The following CACNA1H variants were observed in gnomAD, a reference collection of about 807,000 sequenced individuals.
CACNA1H encodes the protein voltage-dependent T-type calcium channel subunit alpha-1H.
In CACNA1H, 149 loss-of-function variants were observed where a neutral mutation model predicts 192.5. The observed-to-expected ratio is 0.77, with a 90% CI of 0.68 to 0.89. The LOEUF (loss-of-function observed/expected upper bound fraction) is 0.89, where lower values mean the gene tolerates loss of function less well. Ranked by LOEUF, CACNA1H falls within the 40% of genes least tolerant of loss-of-function variation. The probability of loss-of-function intolerance (pLI) is 0.00; values close to 1 mark genes in which losing one functional copy is unlikely to be tolerated. For synonymous variants in CACNA1H, 2,202 were observed against 1,475.2 expected, an observed-to-expected ratio of 1.49 and a Z score of -11.29; for missense variants, 4,257 against 3,423.5, an observed-to-expected ratio of 1.24 and a Z score of -6.08.
At chr16:1,184,592 G>A (rs1008247881) in intron 2 of CACNA1H, among the ~76,000 whole-genome samples, 4 of 152,276 alleles carry the variant, frequency 2.6e-5, no homozygotes, top group Non-Finnish European at 5.9e-5. Flanking sequence ...AGGCCCCCTG[G>A]TGGAAGGCAG....
Position 1,195,050 on chromosome 16 carries a change from T to A in CACNA1H, c.378T>A (p.Val126=). The A allele has an allele frequency of 6.2e-7, 1 of 1,609,432 alleles. No individual in the cohort carries two copies. Among genetic ancestry groups the A allele is most frequent in the Non-Finnish European group, 8.5e-7 (1 of 1,178,232 alleles). The change falls in exon 3 of 35, where the codon GTT becomes GTA. Residue 126 remains valine, a synonymous_variant. Coordinates refer to ENST00000348261, the MANE Select transcript of CACNA1H (RefSeq NM_021098.3). The part of the protein sequence containing the change: ...TLGMFRPCED[V]ECGSERCNIL... Reference sequence around the variant, plus strand: ...GCATGTTCCGGCCCTGTGAGGACGTTGAGTGCGGCTCCGAGCGCTGCAACA... The same window carrying A: ...GCATGTTCCGGCCCTGTGAGGACGTAGAGTGCGGCTCCGAGCGCTGCAACA...
At position 1,180,866 on chromosome 16, in the gene CACNA1H, G is replaced by A. The variant is rs528704257; in HGVS notation, c.300-14106G>A. On this transcript the variant is annotated intron_variant, in intron 2 of 34. Coordinates refer to ENST00000348261, the MANE Select transcript of CACNA1H (RefSeq NM_021098.3). The surrounding 1 kb of genome is among the most constrained non-coding windows in gnomAD (Gnocchi z 4.4). ...CCCCGGGCCAGCACCCGACCTGGCC[G>A]CCAGCGTGCTGAGGACAGACCTGCT... 1.3e-5 allele frequency among the ~76,000 whole-genome samples: 2 copies of A among 152,314 alleles called. No individual in the cohort carries two copies. Among genetic ancestry groups the A allele is most frequent in the East Asian group, 3.9e-4 (2 of 5,172 alleles).
intron 2 of CACNA1H, among the ~76,000 whole-genome samples, chr16:1,178,801 T>A: frequency 6.6e-6 from 1 of 151,938 alleles, no homozygotes; most frequent in East Asian, 1.9e-4. Context: ...GAAGTCGGGG[T>A]TGGGGTGAAG....
At chr16:1,217,201 G>A (rs561243063) in intron 31 of CACNA1H, among the ~76,000 whole-genome samples, 191 bp downstream of exon 31, 70 of 152,356 alleles carry the variant, frequency 4.6e-4, no homozygotes, top group Admixed American at 2.9e-3. Flanking sequence ...TCGTGTTGAC[G>A]CAGAGGCATG....
In CACNA1H at chr16:1,204,349, C is replaced by A. The variant is rs200687647; in HGVS notation, c.2342C>A (p.Thr781Asn). The A allele has an allele frequency of 3.4e-5, 53 of 1,581,324 alleles. No individual in the cohort carries two copies. The East Asian group carries it at 7.9e-4, about 23-fold the overall frequency. ...EPGWMGRLWV[T>N]FSGKLRRIVD... ...GGCTGGATGGGCCGCCTCTGGGTTA[C>A]CTTCAGCGGCAAGCTGCGCCGCATC... Residue 781 changes from threonine to asparagine, a missense_variant, in exon 10 of 35, where the codon ACC becomes AAC. Thr to Asn is a moderately conservative substitution (Grantham distance 65). Coordinates refer to ENST00000348261, the MANE Select transcript of CACNA1H (RefSeq NM_021098.3).
Position 1,217,006 on chromosome 16 carries a change from G to C in CACNA1H, c.5319G>C (p.Arg1773Ser). ...CGCTGGGAGTGGAGCTGTTCGGGAG[G>C]CTGGGTGAGTGGCTCCTGCGCCCTC... is the stretch of plus-strand genomic sequence containing the variant. ...YAALGVELFG[R>S]LECSEDNPCE... is the part of the protein sequence containing the mutation. Residue 1773 changes from arginine to serine, a missense_variant, in exon 31 of 35, where the codon AGG becomes AGC. Coordinates refer to ENST00000348261, the MANE Select transcript of CACNA1H (RefSeq NM_021098.3). The C allele has an allele frequency of 6.3e-7, 1 of 1,591,558 alleles. No homozygotes were observed. The highest frequency in any genetic ancestry group is 8.6e-7 in the Non-Finnish European group (1 of 1,169,024).
chr16:1,210,178 C>A, intron 18 of CACNA1H, 43 bp downstream of exon 18: 6 of 1,475,106 alleles, frequency 4.1e-6, no homozygotes, highest in Non-Finnish European at 5.5e-6. Flanking sequence ...AGTTCCACCC[C>A]ACGGGACCCC....
chr16:1,208,745 T>C (rs1476297719), intron 16 of CACNA1H, among the ~76,000 whole-genome samples: 3 of 152,088 alleles, frequency 2.0e-5, no homozygotes, highest in Non-Finnish European at 4.4e-5. Flanking sequence ...AGTGTGCTCC[T>C]GGGGACACGG....
In CACNA1H at chr16:1,214,966, C is replaced by T. The variant is rs777210704; in HGVS notation, c.4930-6C>T. Reference sequence around the variant, plus strand: ...CACCTCAGCCAGCCCGACCCTCCACCCCCAGTCGCTGGACGAGGCCCTCAA... The same window carrying T: ...CACCTCAGCCAGCCCGACCCTCCACTCCCAGTCGCTGGACGAGGCCCTCAA... On this transcript the variant is annotated splice_polypyrimidine_tract_variant and splice_region_variant and intron_variant, in intron 27 of 34. Transcript: ENST00000348261. 3.1e-6 allele frequency: 5 copies of T among 1,597,472 alleles called. No homozygotes were observed. The highest frequency in any genetic ancestry group is 1.7e-5 in the Admixed American group (1 of 58,008).
chr16:1,170,520 C>T (rs1964263485), intron 2 of CACNA1H, among the ~76,000 whole-genome samples: 1 of 152,230 alleles, frequency 6.6e-6, no homozygotes, highest in Non-Finnish European at 1.5e-5. Context: ...CCGACACCGG[C>T]CTGCGGACCC....
intron 2 of CACNA1H, among the ~76,000 whole-genome samples, chr16:1,179,404 G>T (rs1965238631): frequency 6.6e-6 from 1 of 152,184 alleles, no homozygotes; most frequent in African/African-American, 2.4e-5. Context: ...GGGGAGGTGG[G>T]AGAGCCGACC....
chr16:1,183,382 G>A (rs1965666867), intron 2 of CACNA1H, among the ~76,000 whole-genome samples: 1 of 152,214 alleles, frequency 6.6e-6, no homozygotes, highest in Admixed American at 6.5e-5. Flanking sequence ...GCCGCCCTCA[G>A]CGTGGAGCCG....
chr16:1,202,197 G>C lies in CACNA1H; in HGVS notation c.1747G>C (p.Glu583Gln), dbSNP rs777448598. 3.9e-6 allele frequency: 6 copies of C among 1,553,062 alleles called. No homozygotes were observed. The highest frequency in any genetic ancestry group is 4.4e-6 in the Non-Finnish European group (5 of 1,149,394). Residue 583 changes from glutamate (E) to glutamine (Q), a missense_variant, in exon 9 of 35, where the codon GAG (glutamate) becomes CAG (glutamine). Glu to Gln is a conservative substitution (Grantham distance 29, BLOSUM62 2). Transcript: ENST00000348261. ...CATCTACCATGCCGACTGCCACATA[G>C]AGGGGCCGCAGGAGAGGGCCCGGGT... Reference protein sequence around the residue: ...HSIYHADCHIEGPQERARVAH... With the variant: ...HSIYHADCHIQGPQERARVAH...
chr16:1,153,949 C>A lies in CACNA1H; in HGVS notation c.212C>A (p.Pro71Gln), dbSNP rs774748739. 1.5e-5 allele frequency: 22 copies of A among 1,453,114 alleles called. No homozygotes were observed. The highest frequency in any genetic ancestry group is 7.2e-5 in the Admixed American group (3 of 41,556). 90.0% of individuals were successfully genotyped at this position (1,453,114 alleles called of 1,614,324 possible). Residue 71 changes from proline (P) to glutamine (Q), a missense_variant, in exon 2 of 35, where the codon CCG becomes CAG. Transcript: ENST00000348261. ...GGTGCCGACGAGGAGCAGCGCGTCC[C>A]GTACCCGGCCTTGGCGGCCACGGTC... is the stretch of plus-strand genomic sequence containing the variant. The part of the protein sequence containing the change: ...ELGADEEQRV[P>Q]YPALAATVFF...
chr16:1,188,582 CCA>C (rs1966291820), intron 2 of CACNA1H, among the ~76,000 whole-genome samples: 1 of 152,250 alleles, frequency 6.6e-6, no homozygotes, highest in South Asian at 2.1e-4. Flanking sequence ...TTGCTGCCCC[CCA>C]CACAACAGTC....
At chr16:1,187,339 G>A (rs570030463) in intron 2 of CACNA1H, among the ~76,000 whole-genome samples, 9 of 152,324 alleles carry the variant, frequency 5.9e-5, no homozygotes, top group African/African-American at 1.7e-4. Flanking sequence ...AGGGGAGCAC[G>A]TGGCTAAGAG....
At chr16:1,216,900 G>C (rs59516507) in intron 30 of CACNA1H, 32 bp from the exon 31 acceptor site, 15 of 1,570,680 alleles carry the variant, frequency 9.6e-6, no homozygotes, top group Admixed American at 1.8e-5. Context: ...CTGCCCGCCC[G>C]TCTGACCCAG....
intron 17 of CACNA1H, 31 bp downstream of exon 17, chr16:1,209,443 C>T: frequency 8.2e-6 from 13 of 1,589,212 alleles, no homozygotes; most frequent in Non-Finnish European, 1.0e-5. Flanking sequence ...CCACCGCCGA[C>T]TCGCCTTCGT....
Position 1,220,311 on chromosome 16 carries a change from G to A in CACNA1H, c.6379G>A (p.Gly2127Ser), listed in dbSNP as rs745587324. The change falls in exon 35 of 35, where the codon GGC (glycine) becomes AGC (serine). Residue 2127 changes from glycine (G) to serine (S), a missense_variant. By Grantham distance (56) the Gly-to-Ser change is moderately conservative. Coordinates refer to ENST00000348261, the MANE Select transcript of CACNA1H (RefSeq NM_021098.3). ...TGGCCCCGAAGCCTCTCCGGTGGCC[G>A]GCGGCGAGCGGGACCTGCGCAGGCT... ...PHGPEASPVA[G>S]GERDLRRLYS... 9.0e-6 allele frequency: 14 copies of A among 1,559,936 alleles called. No individual in the cohort carries two copies. In the African/African-American group the frequency reaches 1.1e-4, roughly 13 times the overall value.
Sources: allele counts gnomAD v4.1 joint callset (sites outside exome capture counted in the v4.1 genomes callset), GRCh38; gene constraint gnomAD v4.1.1; non-coding constraint Gnocchi (gnomAD v3.1); transcripts MANE v1.5; gene names NCBI Gene and HGNC (gene_info 2026-07-23, HGNC 2026-07-21).